The following FOXN3 variants were observed in gnomAD, a reference collection of about 807,000 sequenced individuals.
FOXN3 encodes the protein forkhead box N3, also known as forkhead box protein N3.
In FOXN3, 7 loss-of-function variants were observed where a neutral mutation model predicts 38.4. The ratio of observed to expected loss-of-function variants is 0.18; its 90% confidence interval spans 0.10 to 0.34. The LOEUF is 0.34. FOXN3 is among the 10% of genes least tolerant of loss of function. FOXN3 has a pLI of 1.00. For synonymous variants in FOXN3, 230 were observed against 242.2 expected, an observed-to-expected ratio of 0.95 and a Z score of 0.47; for missense variants, 456 against 613.4, an observed-to-expected ratio of 0.74 and a Z score of 2.71.
At chr14:89,617,979 T>C (rs1213072666) in intron 1 of FOXN3, among the ~76,000 whole-genome samples, 1 of 152,166 alleles carries the variant, frequency 6.6e-6, no homozygotes, top group Non-Finnish European at 1.5e-5. Flanking sequence ...GCTGCTCTCC[T>C]CTCCAAGGCA....
intron 1 of FOXN3, among the ~76,000 whole-genome samples, chr14:89,554,332 C>A (rs1295686236): frequency 6.6e-6 from 1 of 151,900 alleles, no homozygotes; most frequent in Non-Finnish European, 1.5e-5. Context: ...GAGATGAGGT[C>A]TCATATGTTG....
At chr14:89,511,203 T>TTTCTTTCTTTTCTTTCTTTCTTTTC (rs1309344887) in intron 1 of FOXN3, among the ~76,000 whole-genome samples, 1 of 15,008 alleles carries the variant, frequency 6.7e-5, no homozygotes, top group East Asian at 6.6e-4. Context: ...TCTTTCTTTC[T>TTTCTTTCTTTTCTTTCTTTCTTTTC]TTTCTTTCTT....
At chr14:89,394,898 G>GA (rs1378244461) in intron 2 of FOXN3, among the ~76,000 whole-genome samples, 1 of 152,218 alleles carries the variant, frequency 6.6e-6, no homozygotes, top group African/African-American at 2.4e-5. Flanking sequence ...CCAACTAAGG[G>GA]ATCTCCTAGA....
intron 3 of FOXN3, among the ~76,000 whole-genome samples, chr14:89,281,573 AC>A (rs958013405): frequency 6.6e-6 from 1 of 152,066 alleles, no homozygotes; most frequent in Non-Finnish European, 1.5e-5. Context: ...TGCACTCCAT[AC>A]CCTATAAAAC....
chr14:89,614,989 T>C (rs1232860649), intron 1 of FOXN3, among the ~76,000 whole-genome samples: 2 of 152,164 alleles, frequency 1.3e-5, no homozygotes, highest in African/African-American at 4.8e-5. Context: ...TTGAAGCAAT[T>C]AAATATACTC....
chr14:89,357,310 A>T (rs955175167), intron 2 of FOXN3, among the ~76,000 whole-genome samples: 1 of 152,146 alleles, frequency 6.6e-6, no homozygotes, highest in Non-Finnish European at 1.5e-5. Flanking sequence ...TCTCTTTCTT[A>T]AAAAAAGGAG....
In FOXN3 at chr14:89,343,863, A is replaced by G. The variant is rs529500757; in HGVS notation, c.680+6809T>C. ...CTGCAACCTCCACCTCCCAGGTTCA[A>G]GCAATTCTCCTGCCTTAGCCTCCCG... On this transcript the variant is annotated intron_variant, in intron 3 of 5. Transcript: ENST00000557258. Among the ~76,000 whole-genome samples the G allele has an allele frequency of 1.1e-4, 17 of 152,248 alleles. No individual in the cohort carries two copies. In the South Asian group the frequency reaches 3.5e-3, roughly 32 times the overall value.
At chr14:89,569,098 T>G (rs1214189249) in intron 1 of FOXN3, among the ~76,000 whole-genome samples, 1 of 152,098 alleles carries the variant, frequency 6.6e-6, no homozygotes, top group East Asian at 1.9e-4. Flanking sequence ...CCAGCTACTC[T>G]GGAGGCTGAG....
At chr14:89,454,890 T>C (rs1892687752) in intron 1 of FOXN3, among the ~76,000 whole-genome samples, 1 of 152,210 alleles carries the variant, frequency 6.6e-6, no homozygotes, top group South Asian at 2.1e-4. Flanking sequence ...TATCTCACCC[T>C]GGAGAAGGAG....
chr14:89,311,071 A>T (rs577166905), intron 3 of FOXN3, among the ~76,000 whole-genome samples: 1 of 148,678 alleles, frequency 6.7e-6, no homozygotes, highest in Admixed American at 6.8e-5. Flanking sequence ...GCGCCATTGC[A>T]TTCCAGCCTG....
intron 4 of FOXN3, among the ~76,000 whole-genome samples, chr14:89,264,811 G>A (rs764645689): frequency 6.6e-5 from 10 of 152,206 alleles, no homozygotes; most frequent in Non-Finnish European, 1.3e-4. Flanking sequence ...TCCTTCTCAA[G>A]TAGGATTCCA....
chr14:89,274,783 G>A (rs937238545), intron 4 of FOXN3, among the ~76,000 whole-genome samples: 12 of 152,200 alleles, frequency 7.9e-5, no homozygotes, highest in African/African-American at 2.7e-4. Flanking sequence ...GGAATTAAAA[G>A]TGTCTGAGAT....
intron 4 of FOXN3, among the ~76,000 whole-genome samples, chr14:89,187,940 A>G (rs1367258530): frequency 6.6e-6 from 1 of 152,176 alleles, no homozygotes; most frequent in African/African-American, 2.4e-5. Context: ...CGGTGAATGC[A>G]AAGGTAGACT....
chr14:89,564,869 G>A (rs748596662), intron 1 of FOXN3, among the ~76,000 whole-genome samples: 7 of 151,986 alleles, frequency 4.6e-5, no homozygotes, highest in Non-Finnish European at 7.4e-5. Flanking sequence ...TTGACGGGTG[G>A]ATCACCCAAG....
At chr14:89,542,235 G>T (rs968034067) in intron 1 of FOXN3, among the ~76,000 whole-genome samples, 4 of 152,156 alleles carry the variant, frequency 2.6e-5, no homozygotes, top group Non-Finnish European at 4.4e-5. Context: ...TGCAAGAATC[G>T]ATATTATTAT....
At chr14:89,462,431 T>TA (rs1362145311) in intron 1 of FOXN3, among the ~76,000 whole-genome samples, 1 of 152,228 alleles carries the variant, frequency 6.6e-6, no homozygotes, top group African/African-American at 2.4e-5. Flanking sequence ...AGGAAACACT[T>TA]AGAGTGTAGG....
intron 1 of FOXN3, among the ~76,000 whole-genome samples, chr14:89,591,833 G>A (rs1443872551): frequency 6.6e-6 from 1 of 152,188 alleles, no homozygotes; most frequent in Non-Finnish European, 1.5e-5. Context: ...ACTGAGGCAA[G>A]AGGGTCACCT....
At chr14:89,592,608 T>C (rs1024946437) in intron 1 of FOXN3, among the ~76,000 whole-genome samples, 1 of 152,192 alleles carries the variant, frequency 6.6e-6, no homozygotes, top group African/African-American at 2.4e-5. Flanking sequence ...GAGGAAAACT[T>C]ATTTTCAACC....
At chr14:89,219,731 A>C (rs1313178056) in intron 4 of FOXN3, among the ~76,000 whole-genome samples, 1 of 152,216 alleles carries the variant, frequency 6.6e-6, no homozygotes, top group African/African-American at 2.4e-5. Context: ...GATACACGCA[A>C]AGCCCTTAGA....
Sources: allele counts gnomAD v4.1 joint callset (sites outside exome capture counted in the v4.1 genomes callset), GRCh38; gene constraint gnomAD v4.1.1; transcripts MANE v1.5; gene names NCBI Gene and HGNC (gene_info 2026-07-23, HGNC 2026-07-21).